AGAP1: variants seen among roughly 807,000 people sequenced by gnomAD.
AGAP1 encodes the protein arf-GAP with GTPase, ANK repeat and PH domain-containing protein 1.
AGAP1 carries 29 observed loss-of-function variants against 105.3 expected under a neutral mutation model. The ratio of observed to expected loss-of-function variants is 0.28; its 90% CI spans 0.21 to 0.38. The LOEUF (loss-of-function observed/expected upper bound fraction) is 0.38. Among genes scored for constraint, AGAP1 ranks in the 10% least tolerant of loss-of-function variants. AGAP1 has a pLI of 1.00. For synonymous variants in AGAP1, 509 were observed against 485.9 expected (o/e 1.05, Z -0.63); for missense variants, 998 against 1,165.1 (o/e 0.86, Z 2.09).
chr2:235,541,289 T>C (rs1382068831), intron 1 of AGAP1, among the ~76,000 whole-genome samples: 1 of 152,010 alleles, frequency 6.6e-6, no homozygotes, highest in South Asian at 2.1e-4. Flanking sequence ...TGAAGCATCT[T>C]GTGGGCCTCT....
intron 9 of AGAP1, among the ~76,000 whole-genome samples, chr2:235,862,017 A>G (rs1320288646): frequency 2.0e-5 from 3 of 152,120 alleles, no homozygotes; most frequent in African/African-American, 4.8e-5. Flanking sequence ...TTCGTCAGAG[A>G]TCAAAACCAG....
intron 1 of AGAP1, among the ~76,000 whole-genome samples, chr2:235,505,502 A>T (rs1217083254): frequency 6.6e-6 from 1 of 152,184 alleles, no homozygotes; most frequent in African/African-American, 2.4e-5. Context: ...GAAGTGGCTA[A>T]TGTGAGAATC....
At chr2:235,511,198 C>T (rs1242530660) in intron 1 of AGAP1, among the ~76,000 whole-genome samples, 1 of 151,956 alleles carries the variant, frequency 6.6e-6, no homozygotes, top group Non-Finnish European at 1.5e-5. Flanking sequence ...GACTGAGAGC[C>T]CCAGGTCAGA....
rs1225776651 is a variant in AGAP1 at position 236,005,030 on chromosome 2, A to G, written c.1646-31531A>G. Among the ~76,000 whole-genome samples, 4 of 152,190 alleles carry G rather than the reference A, an allele frequency of 2.6e-5. No homozygotes were observed. Among genetic ancestry groups the G allele is most frequent in the African/African-American group, 9.7e-5 (4 of 41,448 alleles). On this transcript the variant is annotated intron_variant, in intron 13 of 17. Coordinates refer to ENST00000304032, the MANE Select transcript of AGAP1 (RefSeq NM_001037131.3). This position sits in a 1 kb window ranked among gnomAD's most constrained non-coding sequence, Gnocchi z 4.1. ...GTGTATTTGATAGACTTTGTTTTCT[A>G]GGAAAGCTTTAGACTTTTAGAAAAA...
rs1175985606 is a variant in AGAP1 at position 235,866,266 on chromosome 2, CT to C, written c.1051-17078del. On this transcript the variant is annotated intron_variant, in intron 9 of 17. Coordinates refer to ENST00000304032, the MANE Select transcript of AGAP1 (RefSeq NM_001037131.3). This position sits in a 1 kb window ranked among gnomAD's most constrained non-coding sequence, Gnocchi z 6.1. The stretch of plus-strand genomic sequence containing the variant: ...TCTTGCAGGTTGAGCCGGGTGCTAG[CT>C]ACTGATGTGGGAATCTGGGAGCCCG... Among the ~76,000 whole-genome samples, 1 of 152,162 alleles carries C rather than the reference CT, an allele frequency of 6.6e-6. No homozygotes were observed. The highest frequency in any genetic ancestry group is 1.5e-5 in the Non-Finnish European group (1 of 68,052).
At position 235,927,962 on chromosome 2, in the gene AGAP1, A is replaced by G. The variant is rs1433969149; in HGVS notation, c.1325-2803A>G. Among the ~76,000 whole-genome samples, 1 of 152,202 alleles carries G rather than the reference A, an allele frequency of 6.6e-6. No homozygotes were observed. The highest frequency in any genetic ancestry group is 2.4e-5 in the African/African-American group (1 of 41,452). The stretch of plus-strand genomic sequence containing the variant: ...ATGGCATGCTTAATAATGACTTGAC[A>G]GGGGTCTGATTGGGCATTGCAGTGT... On this transcript the variant is annotated intron_variant, in intron 11 of 17. Transcript: ENST00000304032. The surrounding 1 kb of genome is among the most constrained non-coding windows in gnomAD (Gnocchi z 4.4).
Position 236,038,101 on chromosome 2 carries a change from A to AT in AGAP1, c.1800+1387dup, listed in dbSNP as rs2057436232. Reference sequence around the variant, plus strand: ...TGCTTCCCTTTTTAAAAGATGTTTTATACTCAAGGTGGGGAGAACCACTGC... The same window carrying AT: ...TGCTTCCCTTTTTAAAAGATGTTTTATTACTCAAGGTGGGGAGAACCACTGC... On this transcript the variant is annotated intron_variant, in intron 14 of 17. Coordinates refer to ENST00000304032, the MANE Select transcript of AGAP1 (RefSeq NM_001037131.3). The surrounding 1 kb of genome is among the most constrained non-coding windows in gnomAD (Gnocchi z 4.5). Among the ~76,000 whole-genome samples the AT allele has an allele frequency of 6.6e-6, 1 of 152,198 alleles. No individual in the cohort carries two copies. Among genetic ancestry groups the AT allele is most frequent in the South Asian group, 2.1e-4 (1 of 4,834 alleles).
intron 12 of AGAP1, among the ~76,000 whole-genome samples, chr2:235,938,111 G>A (rs74391431): frequency 3.9e-4 from 59 of 152,298 alleles, no homozygotes; most frequent in African/African-American, 1.4e-3. Context: ...CCGGTTCAGC[G>A]GCAGTCCTGC....
At chr2:235,602,235 G>A (rs1437343619) in intron 1 of AGAP1, among the ~76,000 whole-genome samples, 5 of 152,220 alleles carry the variant, frequency 3.3e-5, no homozygotes, top group South Asian at 2.1e-4. Context: ...AAATAAAGCC[G>A]TGTTGGGTCA....
rs1324117974 is a variant in AGAP1 at position 235,729,092 on chromosome 2, G to A, written c.310+11448G>A. On this transcript the variant is annotated intron_variant, in intron 3 of 17. Transcript: ENST00000304032. The surrounding 1 kb of genome is among the most constrained non-coding windows in gnomAD (Gnocchi z 5.0). ...GGCTCCAGCCAGGCTATTAGCAGGA[G>A]CACTGGCTTTGGAGGGGGACCTAAG... Among the ~76,000 whole-genome samples, 1 of 152,134 alleles carries A rather than the reference G, an allele frequency of 6.6e-6. No individual in the cohort carries two copies. The highest frequency in any genetic ancestry group is 1.5e-5 in the Non-Finnish European group (1 of 68,024).
Position 236,019,294 on chromosome 2 carries a change from C to T in AGAP1, c.1646-17267C>T, listed in dbSNP as rs115642061. ...GGTAAGGGTGCACCCGCCCACTGCC[C>T]TCAGGGAGCTTACTGTCAGTCTAGG... is the stretch of plus-strand genomic sequence containing the variant. On this transcript the variant is annotated intron_variant, in intron 13 of 17. Coordinates refer to ENST00000304032, the MANE Select transcript of AGAP1 (RefSeq NM_001037131.3). Among the ~76,000 whole-genome samples, 9 of 152,280 alleles carry T rather than the reference C, an allele frequency of 5.9e-5. No individual in the cohort carries two copies. The East Asian group carries it at 1.5e-3, about 26-fold the overall frequency.
chr2:235,793,680 G>C lies in AGAP1; in HGVS notation c.674-4079G>C, dbSNP rs184855304. 5.3e-5 allele frequency among the ~76,000 whole-genome samples: 8 copies of C among 152,276 alleles called. No individual in the cohort carries two copies. Among genetic ancestry groups the C allele is most frequent in the African/African-American group, 1.9e-4 (8 of 41,560 alleles). The stretch of plus-strand genomic sequence containing the variant: ...AAAGGAGGAAGGGGGAGGAGGAGGA[G>C]CTGTCCTCTGGTTATAGAGGGCGTG... On this transcript the variant is annotated intron_variant, in intron 6 of 17. Transcript: ENST00000304032. The surrounding 1 kb of genome is among the most constrained non-coding windows in gnomAD (Gnocchi z 5.3).
At position 235,988,702 on chromosome 2, in the gene AGAP1, AT is replaced by A. The variant is rs1290933955; in HGVS notation, c.1645+20086del. On this transcript the variant is annotated intron_variant, in intron 13 of 17. Coordinates refer to ENST00000304032, the MANE Select transcript of AGAP1 (RefSeq NM_001037131.3). The surrounding 1 kb of genome is among the most constrained non-coding windows in gnomAD (Gnocchi z 4.7). ...GGAATCTTAAAGACGAGAAATGATT[AT>A]TTTTTTCCCGCCGACTCCACTCTGG... Among the ~76,000 whole-genome samples the A allele has an allele frequency of 6.6e-6, 1 of 151,900 alleles. No individual in the cohort carries two copies. The highest frequency in any genetic ancestry group is 1.5e-5 in the Non-Finnish European group (1 of 67,996).
chr2:235,727,080 C>CT (rs1951685494), intron 3 of AGAP1, among the ~76,000 whole-genome samples: 1 of 152,208 alleles, frequency 6.6e-6, no homozygotes, highest in Admixed American at 6.5e-5. Context: ...GCAAAAGACT[C>CT]TAAGTCAGTT....
In AGAP1 at chr2:236,014,643, C is replaced by T. The variant is rs1376631613; in HGVS notation, c.1646-21918C>T. Among the ~76,000 whole-genome samples the T allele has an allele frequency of 7.9e-5, 12 of 152,296 alleles. No homozygotes were observed. The East Asian group carries it at 1.9e-3, about 25-fold the overall frequency. On this transcript the variant is annotated intron_variant, in intron 13 of 17. Transcript: ENST00000304032. The surrounding 1 kb of genome is among the most constrained non-coding windows in gnomAD (Gnocchi z 6.3). Reference sequence around the variant, plus strand: ...TTCACCGCAGGGGAGTTGGAGGGCTCAGCCCAGGGAGCTCCATGGCACCCA... The same window carrying T: ...TTCACCGCAGGGGAGTTGGAGGGCTTAGCCCAGGGAGCTCCATGGCACCCA...
chr2:235,504,097 C>T (rs958151314), intron 1 of AGAP1, among the ~76,000 whole-genome samples: 9 of 152,092 alleles, frequency 5.9e-5, no homozygotes, highest in Non-Finnish European at 1.0e-4. Flanking sequence ...TTGCCTTGGC[C>T]TCCCTAAGTC....
At chr2:235,594,990 G>C (rs1945477385) in intron 1 of AGAP1, among the ~76,000 whole-genome samples, 1 of 150,924 alleles carries the variant, frequency 6.6e-6, no homozygotes, top group Non-Finnish European at 1.5e-5. Context: ...AGAGCACCAG[G>C]CTGGCACTGG....
Position 235,615,209 on chromosome 2 carries a change from C to T in AGAP1, c.164-93970C>T, listed in dbSNP as rs142316598. 3.2e-4 allele frequency among the ~76,000 whole-genome samples: 49 copies of T among 152,334 alleles called. No homozygotes were observed. The highest frequency in any genetic ancestry group is 5.3e-4 in the Non-Finnish European group (36 of 68,038). ...CCACTGCCAGCCAGCTTGCACGGTC[C>T]AGGGACGTCCCCACCCTCGGTTGGG... On this transcript the variant is annotated intron_variant, in intron 1 of 17. Transcript: ENST00000304032. The surrounding 1 kb of genome is among the most constrained non-coding windows in gnomAD (Gnocchi z 5.0).
Position 235,741,444 on chromosome 2 carries a change from T to C in AGAP1, c.396+396T>C, listed in dbSNP as rs74512571. Among the ~76,000 whole-genome samples, 971 of 152,302 alleles carry C rather than the reference T, an allele frequency of 6.4e-3. 17 individuals carry two copies. The highest frequency in any genetic ancestry group is 0.022 in the African/African-American group (924 of 41,576). On this transcript the variant is annotated intron_variant, in intron 4 of 17. Coordinates refer to ENST00000304032, the MANE Select transcript of AGAP1 (RefSeq NM_001037131.3). The surrounding 1 kb of genome is among the most constrained non-coding windows in gnomAD (Gnocchi z 4.9). ...GAGTTAGAGAGCTTGCTGGGTGCAATTGGGAGTCCCACCTTCTCTCTGTCT... is the reference window on the plus strand; with the variant it reads ...GAGTTAGAGAGCTTGCTGGGTGCAACTGGGAGTCCCACCTTCTCTCTGTCT...
Sources: allele counts gnomAD v4.1 joint callset (sites outside exome capture counted in the v4.1 genomes callset), GRCh38; gene constraint gnomAD v4.1.1; non-coding constraint Gnocchi (gnomAD v3.1); transcripts MANE v1.5; gene names NCBI Gene and HGNC (gene_info 2026-07-23, HGNC 2026-07-21).